ATP6V1G1: variants seen among roughly 807,000 people sequenced by gnomAD.
ATP6V1G1 encodes V-type proton ATPase subunit G 1.
ATP6V1G1 carries 14 observed loss-of-function variants against 14.2 expected under a neutral mutation model. That is an observed-to-expected ratio of 0.99 (90% CI 0.65 to 1.55). The LOEUF (loss-of-function observed/expected upper bound fraction) is 1.55, where lower values mean the gene tolerates loss of function less well. ATP6V1G1 is among the 40% of genes most tolerant of loss of function. ATP6V1G1 has a pLI of 0.00. For synonymous variants in ATP6V1G1, 65 were observed against 53.3 expected (o/e 1.22, Z -0.96); for missense variants, 137 against 146.4 (o/e 0.94, Z 0.33).
chr9:114,593,184 A>G (rs189319275), intron 2 of ATP6V1G1, among the ~76,000 whole-genome samples: 4 of 152,362 alleles, frequency 2.6e-5, no homozygotes, highest in Admixed American at 2.6e-4. Context: ...GGCAGGGACA[A>G]TTGTGGAAAG....
chr9:114,589,646 A>G (rs1428078991), intron 1 of ATP6V1G1, among the ~76,000 whole-genome samples: 2 of 152,178 alleles, frequency 1.3e-5, no homozygotes, highest in African/African-American at 2.4e-5. Context: ...TTCCCAGAAT[A>G]TTTCCAGTCA....
In ATP6V1G1 at chr9:114,598,055, TAA is replaced by T. The variant is rs34186321; in HGVS notation, c.*325_*326del. On this transcript the variant is annotated 3_prime_UTR_variant, in exon 3 of 3. Transcript: ENST00000374050. ...GACTTTTTCTTTCTTAGATCTAGTT[TAA>T]AAAAAAAAAAAACCACATAACAATT... 9.8e-4 allele frequency: 148 copies of T among 150,574 alleles called. No homozygotes were observed. Among genetic ancestry groups the T allele is most frequent in the Non-Finnish European group, 1.4e-3 (97 of 69,342 alleles). The allele number at this position is 150,574 out of a possible 1,614,324, so 9.3% of individuals were successfully genotyped here. A position where few individuals can be genotyped will look rare whatever the true frequency, so the allele number is the denominator to read the frequency against.
chr9:114,594,675 G>A (rs1411242777), intron 2 of ATP6V1G1, among the ~76,000 whole-genome samples: 1 of 152,026 alleles, frequency 6.6e-6, no homozygotes, highest in Non-Finnish European at 1.5e-5. Flanking sequence ...GAGCCACCAC[G>A]CCTGGCCCAT....
At chr9:114,590,764 T>A (rs1237874397) in intron 1 of ATP6V1G1, among the ~76,000 whole-genome samples, 1 of 151,744 alleles carries the variant, frequency 6.6e-6, no homozygotes, top group South Asian at 2.1e-4. Context: ...TTAAATTTTT[T>A]TTATTATTTT....
At chr9:114,596,171 C>T (rs1845235476) in intron 2 of ATP6V1G1, among the ~76,000 whole-genome samples, 1 of 151,916 alleles carries the variant, frequency 6.6e-6, no homozygotes, top group Admixed American at 6.6e-5. Flanking sequence ...ATCATGAGGT[C>T]AGGAGATCGA....
chr9:114,597,790 C>T lies in ATP6V1G1; in HGVS notation c.*47C>T, dbSNP rs376643316. 29 of 1,459,090 alleles carry T rather than the reference C, an allele frequency of 2.0e-5. No homozygotes were observed. The highest frequency in any genetic ancestry group is 1.6e-4 in the East Asian group (6 of 38,584). 90.4% of individuals were successfully genotyped at this position (1,459,090 alleles called of 1,614,324 possible). On this transcript the variant is annotated 3_prime_UTR_variant, in exon 3 of 3. Coordinates refer to ENST00000374050, the MANE Select transcript of ATP6V1G1 (RefSeq NM_004888.4). ...TGGAGTGGCATTTTAGATGCCCTCA[C>T]GAATATGAAGCTTAGCACAGCTCTA...
chr9:114,590,619 T>A (rs2133557301), intron 1 of ATP6V1G1, among the ~76,000 whole-genome samples: 1 of 152,096 alleles, frequency 6.6e-6, no homozygotes, highest in South Asian at 2.1e-4. Flanking sequence ...AGAGAGGTAG[T>A]CAGAAGAACT....
chr9:114,592,744 G>C, intron 2 of ATP6V1G1, 92 bp downstream of exon 2: 5 of 1,347,018 alleles, frequency 3.7e-6, no homozygotes, highest in Non-Finnish European at 5.1e-6. Flanking sequence ...CAGAGATCCT[G>C]GTCGAAGTTT....
chr9:114,595,646 T>TC (rs942682357), intron 2 of ATP6V1G1, among the ~76,000 whole-genome samples: 2 of 152,048 alleles, frequency 1.3e-5, no homozygotes, highest in African/African-American at 4.8e-5. Flanking sequence ...AGAGTGAGAC[T>TC]CCATCTCTTA....
intron 2 of ATP6V1G1, 111 bp from the exon 3 acceptor site, chr9:114,597,459 G>C: frequency 1.7e-6 from 2 of 1,143,540 alleles, no homozygotes; most frequent in South Asian, 4.9e-5. Flanking sequence ...TGAGTATACT[G>C]ATAGGTGAGC....
At chr9:114,592,038 C>T (rs1845186970) in intron 1 of ATP6V1G1, among the ~76,000 whole-genome samples, 1 of 152,218 alleles carries the variant, frequency 6.6e-6, no homozygotes, top group South Asian at 2.1e-4. Context: ...CACCACTGTC[C>T]TTACTTCCTT....
intron 2 of ATP6V1G1, 33 bp from the exon 3 acceptor site, chr9:114,597,537 T>A (rs1845251870): frequency 6.9e-7 from 1 of 1,444,426 alleles, no homozygotes. Flanking sequence ...ATTGTTCTGA[T>A]AATCCCTCCG....
intron 1 of ATP6V1G1, among the ~76,000 whole-genome samples, chr9:114,589,108 C>T (rs1370954833): frequency 6.6e-6 from 1 of 152,148 alleles, no homozygotes; most frequent in Admixed American, 6.5e-5. Context: ...TCCATCAGAC[C>T]TCAATTTAGG....
chr9:114,588,540 T>C (rs1589311854), intron 1 of ATP6V1G1, among the ~76,000 whole-genome samples: 1 of 150,620 alleles, frequency 6.6e-6, no homozygotes, highest in East Asian at 1.9e-4. Context: ...TGTGTGTGTG[T>C]TTCTGTCTAA....
intron 2 of ATP6V1G1, among the ~76,000 whole-genome samples, chr9:114,594,138 C>T (rs1488775088): frequency 3.3e-5 from 5 of 150,528 alleles, no homozygotes; most frequent in Admixed American, 2.7e-4. Flanking sequence ...GGCATGATCT[C>T]GGCTCACTGC....
At chr9:114,595,629 A>G (rs1241964662) in intron 2 of ATP6V1G1, among the ~76,000 whole-genome samples, 1 of 152,058 alleles carries the variant, frequency 6.6e-6, no homozygotes, top group African/African-American at 2.4e-5. Context: ...ACTCCAGCCT[A>G]GGCAACAGAG....
intron 1 of ATP6V1G1, among the ~76,000 whole-genome samples, chr9:114,590,087 A>G (rs2133556898): frequency 6.6e-6 from 1 of 151,786 alleles, no homozygotes; most frequent in East Asian, 2.0e-4. Flanking sequence ...AGTCCCAGCT[A>G]CTTGGGAGGC....
rs1189838877 is a variant in ATP6V1G1, at chr9:114,587,930, A to C, written c.82+10A>C. On this transcript the variant is annotated intron_variant, in intron 1 of 2. Transcript: ENST00000374050. ...TCCGAGGCCCGCAAAAGTGAGTTTC[A>C]GGGTGGGGCTGCCCGGCGTGGCGCG... The C allele has an allele frequency of 5.7e-6, 9 of 1,566,206 alleles. No individual in the cohort carries two copies. The highest frequency in any genetic ancestry group is 6.9e-6 in the Non-Finnish European group (8 of 1,155,236).
intron 2 of ATP6V1G1, among the ~76,000 whole-genome samples, chr9:114,596,704 C>T (rs1442525028): frequency 2.6e-5 from 4 of 152,104 alleles, no homozygotes; most frequent in Non-Finnish European, 5.9e-5. Flanking sequence ...CATGATCCTC[C>T]TGCTTCAGTC....
Sources: gnomAD v4.1 joint callset for allele counts (sites outside exome capture counted in the v4.1 genomes callset) on GRCh38, gnomAD v4.1.1 for gene constraint, MANE v1.5 for transcripts, NCBI Gene and HGNC (gene_info 2026-07-23, HGNC 2026-07-21) for gene names.